Variants in PSME3IP1 observed in about 807,000 individuals in gnomAD.
PSME3IP1 encodes the protein PSME3-interacting protein.
Under a neutral mutation model 34.1 loss-of-function variants are expected in PSME3IP1, and 13 were observed. The observed-to-expected ratio is 0.38, with a 90% CI of 0.25 to 0.61. PSME3IP1 has a LOEUF of 0.61. PSME3IP1 is among the 20% of genes least tolerant of loss of function. The probability of loss-of-function intolerance (pLI) is 0.60; values close to 1 mark genes in which losing one functional copy is unlikely to be tolerated. For missense variants in PSME3IP1, 237 were observed against 301.4 expected (o/e 0.79, Z 1.58); for synonymous variants, 93 against 114.3 (o/e 0.81, Z 1.19).
In PSME3IP1 at chr16:57,172,283, C is replaced by T; in HGVS notation, c.316G>A (p.Glu106Lys). 6.2e-7 allele frequency: 1 copy of T among 1,613,782 alleles called. No individual in the cohort carries two copies. Among genetic ancestry groups the T allele is most frequent in the Non-Finnish European group, 8.5e-7 (1 of 1,179,994 alleles). ...QQELIEKQRR[E>K]EELKELKEYR... Reference sequence around the variant, plus strand: ...TCCTTCAGTTCTTTCAGTTCTTCTTCTCTTCGTTGCTTTTCTATTAGTTCC... The same window carrying T: ...TCCTTCAGTTCTTTCAGTTCTTCTTTTCTTCGTTGCTTTTCTATTAGTTCC... The change falls in exon 4 of 7, where the codon GAA becomes AAA. Residue 106 changes from glutamate to lysine, a missense_variant. Transcript: ENST00000309137.
At chr16:57,160,162 C>T (rs1310002155) in intron 6 of PSME3IP1, among the ~76,000 whole-genome samples, 3 of 151,834 alleles carry the variant, frequency 2.0e-5, no homozygotes, top group South Asian at 2.1e-4. Context: ...CGGTGGCGGG[C>T]GCCTGTAGTC....
At chr16:57,177,288 TC>T (rs2073267922) in intron 1 of PSME3IP1, among the ~76,000 whole-genome samples, 6 of 151,814 alleles carry the variant, frequency 4.0e-5, no homozygotes, top group African/African-American at 1.2e-4. Flanking sequence ...CTCAAGCAGT[TC>T]TCATGCCTCA....
At chr16:57,169,672 T>C (rs1337755417) in intron 4 of PSME3IP1, among the ~76,000 whole-genome samples, 2 of 152,204 alleles carry the variant, frequency 1.3e-5, no homozygotes, top group Non-Finnish European at 2.9e-5. Flanking sequence ...CATCTCACAC[T>C]CAACAGCACT....
Position 57,159,906 on chromosome 16 carries a change from C to T in PSME3IP1, c.547+4095G>A, listed in dbSNP as rs146528640. Among the ~76,000 whole-genome samples, 25 of 152,258 alleles carry T rather than the reference C, an allele frequency of 1.6e-4. No individual in the cohort carries two copies. In the East Asian group the frequency reaches 3.1e-3, roughly 19 times the overall value. On this transcript the variant is annotated intron_variant, in intron 6 of 6. Transcript: ENST00000309137. ...TAACCCCAGCTACTCAGGAGGCTCA[C>T]GTGGGGGATTACCTGAGCCTGGGAG...
At chr16:57,167,021 G>A in intron 5 of PSME3IP1, 72 bp downstream of exon 5, 1 of 1,570,478 alleles carries the variant, frequency 6.4e-7, no homozygotes, top group Non-Finnish European at 8.7e-7. Context: ...CGTTGGCTCT[G>A]GCTTCCATTA....
At position 57,154,640 on chromosome 16, in the gene PSME3IP1, C is replaced by G. The variant is rs2070308038; in HGVS notation, c.548-133G>C. 1.5e-6 allele frequency: 1 copy of G among 675,516 alleles called. No individual in the cohort carries two copies. The highest frequency in any genetic ancestry group is 2.4e-6 in the Non-Finnish European group (1 of 418,998). 41.8% of individuals were successfully genotyped at this position (675,516 alleles called of 1,614,324 possible). The stretch of plus-strand genomic sequence containing the variant: ...TTAGAACAATGCTATGCAGCCAATA[C>G]TATCATCACCCTCGTTTTAGAGATG... On this transcript the variant is annotated intron_variant, in intron 6 of 6. Transcript: ENST00000309137. The surrounding 1 kb of genome is among the most constrained non-coding windows in gnomAD (Gnocchi z 4.0).
chr16:57,177,137 G>A (rs1325830305), intron 1 of PSME3IP1, among the ~76,000 whole-genome samples: 1 of 152,090 alleles, frequency 6.6e-6, no homozygotes, highest in Non-Finnish European at 1.5e-5. Flanking sequence ...TTACAGGTGT[G>A]AGCCACTGCA....
rs2072750877 is a variant in PSME3IP1 at position 57,172,834 on chromosome 16, T to C, written c.168A>G (p.Glu56=). ...TCCTGTCCTTCTGTTCCTGTAGCCTTTCATATAGAGATCGAGGGTCATAAA... is the reference window on the plus strand; with the variant it reads ...TCCTGTCCTTCTGTTCCTGTAGCCTCTCATATAGAGATCGAGGGTCATAAA... ...EEVYDPRSLY[E]RLQEQKDRKQ... Residue 56 remains glutamate, a synonymous_variant, in exon 3 of 7, where the codon GAA becomes GAG. Transcript: ENST00000309137. The C allele has an allele frequency of 1.2e-6, 2 of 1,613,676 alleles. No individual in the cohort carries two copies. The highest frequency in any genetic ancestry group is 1.3e-5 in the African/African-American group (1 of 74,934).
In PSME3IP1 at chr16:57,154,003, G is replaced by T; in HGVS notation, c.*287C>A. On this transcript the variant is annotated 3_prime_UTR_variant, in exon 7 of 7. Transcript: ENST00000309137. The surrounding 1 kb of genome is among the most constrained non-coding windows in gnomAD (Gnocchi z 4.0). ...GCCAGCCGGTGCCTATTCTCCTGGGGCATTTTTAGTGGAACTTCGGCTGGG... is the reference window on the plus strand; with the variant it reads ...GCCAGCCGGTGCCTATTCTCCTGGGTCATTTTTAGTGGAACTTCGGCTGGG... 2.6e-6 allele frequency: 1 copy of T among 387,270 alleles called. No homozygotes were observed. The highest frequency in any genetic ancestry group is 4.7e-6 in the Non-Finnish European group (1 of 213,656). 24.0% of individuals were successfully genotyped at this position (387,270 alleles called of 1,614,324 possible).
At chr16:57,172,961 G>T (rs2072769751) in intron 2 of PSME3IP1, 87 bp from the exon 3 acceptor site, 4 of 901,214 alleles carry the variant, frequency 4.4e-6, no homozygotes, top group Non-Finnish European at 5.5e-6. Flanking sequence ...AATCACAAAA[G>T]GTTTTAAAGA....
intron 1 of PSME3IP1, 180 bp downstream of exon 1, chr16:57,185,641 C>T (rs1251743186): frequency 1.0e-6 from 1 of 985,520 alleles, no homozygotes; most frequent in African/African-American, 1.7e-5. Flanking sequence ...CCGCGGGCAC[C>T]CTCAGCTCCC....
chr16:57,165,735 G>C (rs2071795069), intron 5 of PSME3IP1, among the ~76,000 whole-genome samples: 1 of 152,138 alleles, frequency 6.6e-6, no homozygotes, highest in Admixed American at 6.5e-5. Flanking sequence ...TGCCCCAGGA[G>C]ACTACCTTAC....
chr16:57,172,336 T>G lies in PSME3IP1; in HGVS notation c.263A>C (p.Asn88Thr). The G allele has an allele frequency of 6.2e-7, 1 of 1,613,922 alleles. No homozygotes were observed. Among genetic ancestry groups the G allele is most frequent in the Non-Finnish European group, 8.5e-7 (1 of 1,179,868 alleles). The change falls in exon 4 of 7, where the codon AAC becomes ACC. Residue 88 changes from asparagine to threonine, a missense_variant. Asn to Thr is a moderately conservative substitution (Grantham distance 65). Transcript: ENST00000309137. ...CTGTCGAGAAACCTCATCAAGGAAG[T>G]TGGTCTCATCTTCATCTAAGCCTCT... ...MVRGLDEDET[N>T]FLDEVSRQQE...
chr16:57,177,310 T>A (rs1468491410), intron 1 of PSME3IP1, among the ~76,000 whole-genome samples: 1 of 151,302 alleles, frequency 6.6e-6, no homozygotes, highest in South Asian at 2.1e-4. Flanking sequence ...GCCTCCCGAA[T>A]AGCTGGGACT....
intron 5 of PSME3IP1, among the ~76,000 whole-genome samples, chr16:57,164,463 C>T (rs2071620761): frequency 6.6e-6 from 1 of 151,846 alleles, no homozygotes; most frequent in South Asian, 2.1e-4. Flanking sequence ...TGAGAGTCAC[C>T]CACAAGATTT....
chr16:57,171,451 T>C (rs756325195), intron 4 of PSME3IP1, among the ~76,000 whole-genome samples: 25 of 152,234 alleles, frequency 1.6e-4, no homozygotes, highest in Non-Finnish European at 3.2e-4. Context: ...TGATGCCATG[T>C]ATGGTTTTTA....
At chr16:57,155,459 C>A (rs547072018) in intron 6 of PSME3IP1, among the ~76,000 whole-genome samples, 1 of 151,856 alleles carries the variant, frequency 6.6e-6, no homozygotes, top group African/African-American at 2.4e-5. Context: ...CCTATCTCTA[C>A]GAGAAAATGT....
chr16:57,176,726 A>G (rs2145888017), intron 1 of PSME3IP1, among the ~76,000 whole-genome samples: 1 of 152,336 alleles, frequency 6.6e-6, no homozygotes, highest in East Asian at 1.9e-4. Context: ...TAAGATGGAG[A>G]AAAATAATCA....
chr16:57,169,961 G>A (rs1475607027), intron 4 of PSME3IP1, among the ~76,000 whole-genome samples: 2 of 151,740 alleles, frequency 1.3e-5, no homozygotes, highest in African/African-American at 4.8e-5. Flanking sequence ...CCATCTCCAT[G>A]TTGCACCTGA....
Sources: allele counts gnomAD v4.1 joint callset (sites outside exome capture counted in the v4.1 genomes callset), GRCh38; gene constraint gnomAD v4.1.1; non-coding constraint Gnocchi (gnomAD v3.1); transcripts MANE v1.5; gene names NCBI Gene and HGNC (gene_info 2026-07-23, HGNC 2026-07-21).